PRKCSH: variants seen among roughly 807,000 people sequenced by gnomAD.
PRKCSH encodes PRKCSH beta subunit of glucosidase II.
Under a neutral mutation model 79.7 loss-of-function variants are expected in PRKCSH, and 42 were observed. The ratio of observed to expected loss-of-function variants is 0.53; its 90% CI spans 0.41 to 0.68. PRKCSH has a LOEUF of 0.68. Ranked by LOEUF, PRKCSH falls within the 30% of genes least tolerant of loss-of-function variation. The pLI, the probability that PRKCSH is intolerant of heterozygous loss-of-function variation, is 0.00. For missense variants in PRKCSH, 686 were observed against 709.0 expected, an observed-to-expected ratio of 0.97 and a Z score of 0.37; for synonymous variants, 325 against 288.2, an observed-to-expected ratio of 1.13 and a Z score of -1.29.
chr19:11,449,499 C>T lies in PRKCSH; in HGVS notation c.*16+71C>T, dbSNP rs371933907. On this transcript the variant is annotated intron_variant, in intron 17 of 17. Coordinates refer to ENST00000677123, the MANE Select transcript of PRKCSH (RefSeq NM_001289104.2). This position sits in a 1 kb window ranked among gnomAD's most constrained non-coding sequence, Gnocchi z 6.4. ...GGCGGCGGGCCCTGAGGAAGATGGACCCACATGGCCACTCTATCAACCTGT... is the reference window on the plus strand; with the variant it reads ...GGCGGCGGGCCCTGAGGAAGATGGATCCACATGGCCACTCTATCAACCTGT... 5 of 1,576,898 alleles carry T rather than the reference C, an allele frequency of 3.2e-6. No homozygotes were observed. In the African/African-American group the frequency reaches 5.4e-5, roughly 17 times the overall value.
intron 5 of PRKCSH, among the ~76,000 whole-genome samples, chr19:11,438,485 G>A (rs140248363): frequency 0.051 from 7,828 of 152,136 alleles, 303 homozygotes; most frequent in Admixed American, 0.12. Context: ...GGCCAGGCGC[G>A]GTGGCTCACA....
intron 1 of PRKCSH, 23 bp from the exon 2 acceptor site, chr19:11,436,018 C>A: frequency 6.6e-7 from 1 of 1,510,636 alleles, no homozygotes; most frequent in Admixed American, 1.7e-5. Flanking sequence ...TCCCACTGAC[C>A]GGGATCCGCT....
At chr19:11,438,199 ACT>A in intron 5 of PRKCSH, 75 bp downstream of exon 5, 3 of 1,501,002 alleles carry the variant, frequency 2.0e-6, no homozygotes, top group South Asian at 2.3e-5. Context: ...AATCGGGCCC[ACT>A]CTCTCTTCTG....
intron 7 of PRKCSH, among the ~76,000 whole-genome samples, 187 bp downstream of exon 7, chr19:11,442,702 TTAAA>T (rs950858798): frequency 2.0e-5 from 3 of 152,152 alleles, no homozygotes; most frequent in African/African-American, 7.2e-5. Context: ...TAAAAATTGT[TTAAA>T]TAATTTGTTT....
At chr19:11,443,219 C>T (rs1708470707) in intron 7 of PRKCSH, among the ~76,000 whole-genome samples, 1 of 151,228 alleles carries the variant, frequency 6.6e-6, no homozygotes, top group Non-Finnish European at 1.5e-5. Flanking sequence ...TCGAGACCAC[C>T]CTGGCCAACA....
intron 3 of PRKCSH, 55 bp downstream of exon 3, chr19:11,436,560 A>G: frequency 1.4e-6 from 2 of 1,387,934 alleles, no homozygotes; most frequent in Non-Finnish European, 2.0e-6. Context: ...GCTCAGTGCC[A>G]GGCCCTGTCT....
Position 11,448,265 on chromosome 19 carries a change from G to A in PRKCSH, c.1170G>A (p.Ser390=), listed in dbSNP as rs762253573. Residue 390 remains serine (S), a synonymous_variant, in exon 13 of 18, where the codon TCG becomes TCA. Transcript: ENST00000677123. The surrounding 1 kb of genome is among the most constrained non-coding windows in gnomAD (Gnocchi z 4.4). Reference sequence around the variant, plus strand: ...ACAAGTTCGAGGAGGCCGAGCGGTCGCTGAAGGACATGGAGGAGTCCATCA... The same window carrying A: ...ACAAGTTCGAGGAGGCCGAGCGGTCACTGAAGGACATGGAGGAGTCCATCA... ...ARNKFEEAER[S]LKDMEESIRN... 37 of 1,571,352 alleles carry A rather than the reference G, an allele frequency of 2.4e-5. No individual in the cohort carries two copies. Among genetic ancestry groups the A allele is most frequent in the Admixed American group, 2.1e-4 (11 of 53,428 alleles).
At chr19:11,437,631 G>A (rs960144349) in intron 3 of PRKCSH, among the ~76,000 whole-genome samples, 2 of 152,220 alleles carry the variant, frequency 1.3e-5, no homozygotes, top group Admixed American at 6.5e-5. Context: ...GGGATTACAG[G>A]TGTGAGCCCC....
rs141514451 is a variant in PRKCSH, at chr19:11,446,302, G to A, written c.714G>A (p.Pro238=). Residue 238 remains proline, a synonymous_variant, in exon 9 of 18, where the codon CCG becomes CCA. Transcript: ENST00000677123. ...TVSVTELQTH[P]ELDTDGDGAL... ...CGGTGACTGAGCTGCAGACTCACCC[G>A]GAGCTGGACACAGATGGGGATGGGG... 2.0e-5 allele frequency: 33 copies of A among 1,613,730 alleles called. No homozygotes were observed. Among genetic ancestry groups the A allele is most frequent in the Middle Eastern group, 1.6e-4 (1 of 6,080 alleles).
At chr19:11,446,240 C>A in intron 8 of PRKCSH, 32 bp from the exon 9 acceptor site, 2 of 1,608,656 alleles carry the variant, frequency 1.2e-6, no homozygotes, top group Non-Finnish European at 8.5e-7. Context: ...GGGGCCTCAC[C>A]CCTCCAGTCT....
intron 6 of PRKCSH, among the ~76,000 whole-genome samples, 155 bp from the exon 7 acceptor site, chr19:11,442,231 G>T (rs1008741861): frequency 8.5e-5 from 13 of 152,188 alleles, no homozygotes; most frequent in Non-Finnish European, 1.5e-5. Flanking sequence ...CTCTCCAGAG[G>T]GCTACAGGGA....
chr19:11,446,217 A>G (rs544152420), intron 8 of PRKCSH, 55 bp from the exon 9 acceptor site: 15 of 1,585,594 alleles, frequency 9.5e-6, no homozygotes, highest in Admixed American at 8.4e-5. Flanking sequence ...GGTGCCCCCA[A>G]CTGAGAGCCA....
Position 11,447,525 on chromosome 19 carries a change from AGAGGAGGAG to A in PRKCSH, c.960_968del (p.Glu323_Glu325del), listed in dbSNP as rs3217229. The stretch of plus-strand genomic sequence containing the variant: ...AGCCGCCAGTGCCCTCGTCGCCCAC[AGAGGAGGAG>A]GAGGAGGAGGAGGAGGAGGAGGAAG... On this transcript the variant is annotated inframe_deletion, in exon 11 of 18. Transcript: ENST00000677123. This position sits in a 1 kb window ranked among gnomAD's most constrained non-coding sequence, Gnocchi z 5.6. 4.8e-4 allele frequency: 754 copies of A among 1,578,224 alleles called. No individual in the cohort carries two copies. Among genetic ancestry groups the A allele is most frequent in the South Asian group, 1.4e-3 (123 of 88,564 alleles).
rs145515803 is a variant in PRKCSH at position 11,448,059 on chromosome 19, CG to C, written c.1127-159del. On this transcript the variant is annotated intron_variant, in intron 12 of 17. Transcript: ENST00000677123. This position sits in a 1 kb window ranked among gnomAD's most constrained non-coding sequence, Gnocchi z 4.4. ...GGAGCTGGGAGCCTGGGCAGCAAGT[CG>C]GGGCTGCTCTATAGCTGGTGAGGCC... is the stretch of plus-strand genomic sequence containing the variant. 1.7e-3 allele frequency: 1,378 copies of C among 823,752 alleles called. 22 individuals are homozygous for C. In the East Asian group the frequency reaches 0.034, roughly 20 times the overall value. The allele number at this position is 823,752 out of a possible 1,614,324, so 51.0% of individuals were successfully genotyped here. A position where few individuals can be genotyped will look rare whatever the true frequency, so the allele number is the denominator to read the frequency against.
At chr19:11,445,551 C>T in intron 8 of PRKCSH, 78 bp downstream of exon 8, 1 of 1,389,786 alleles carries the variant, frequency 7.2e-7, no homozygotes, top group Non-Finnish European at 1.0e-6. Flanking sequence ...CCTCTAGAAA[C>T]CAGCCAGATC....
In PRKCSH at chr19:11,449,897, T is replaced by A. The variant is rs1225436812; in HGVS notation, c.*16+469T>A. 2 of 208,324 alleles carry A rather than the reference T, an allele frequency of 9.6e-6. No individual in the cohort carries two copies. The highest frequency in any genetic ancestry group is 1.1e-4 in the Admixed American group (2 of 18,888). 12.9% of individuals were successfully genotyped at this position (208,324 alleles called of 1,614,324 possible). ...TTGTTGCCGAGGCTGGAATGTGGAA[T>A]GCAATGGCGCGATCTCGGCTCACTG... On this transcript the variant is annotated intron_variant, in intron 17 of 17. Transcript: ENST00000677123. This position sits in a 1 kb window ranked among gnomAD's most constrained non-coding sequence, Gnocchi z 6.4.
Position 11,448,148 on chromosome 19 carries a change from A to T in PRKCSH, c.1127-74A>T. 7.0e-7 allele frequency: 1 copy of T among 1,438,730 alleles called. No individual in the cohort carries two copies. Among genetic ancestry groups the T allele is most frequent in the Non-Finnish European group, 9.6e-7 (1 of 1,045,292 alleles). The allele number at this position is 1,438,730 out of a possible 1,614,324, so 89.1% of individuals were successfully genotyped here. ...AATGAGGGTATGGGAGCACACAGCC[A>T]CATCCATGGAACCCCGTTCCCCATC... is the stretch of plus-strand genomic sequence containing the variant. On this transcript the variant is annotated intron_variant, in intron 12 of 17. Coordinates refer to ENST00000677123, the MANE Select transcript of PRKCSH (RefSeq NM_001289104.2). The surrounding 1 kb of genome is among the most constrained non-coding windows in gnomAD (Gnocchi z 4.4).
Position 11,446,233 on chromosome 19 carries a change from G to T in PRKCSH, c.684-39G>T, listed in dbSNP as rs761031003. The T allele has an allele frequency of 2.5e-6, 4 of 1,605,810 alleles. No homozygotes were observed. In the South Asian group the frequency reaches 4.4e-5, roughly 18 times the overall value. The stretch of plus-strand genomic sequence containing the variant: ...GTGCCCCCAACTGAGAGCCACTGGG[G>T]CCTCACCCCTCCAGTCTGCTTCTGC... On this transcript the variant is annotated intron_variant, in intron 8 of 17. Transcript: ENST00000677123.
At chr19:11,438,353 C>T (rs1969881969) in intron 5 of PRKCSH, among the ~76,000 whole-genome samples, 1 of 152,146 alleles carries the variant, frequency 6.6e-6, no homozygotes, top group African/African-American at 2.4e-5. Context: ...AAATGACTTC[C>T]CCAGGGTCAC....
Sources: gnomAD v4.1 joint callset for allele counts (sites outside exome capture counted in the v4.1 genomes callset) on GRCh38, gnomAD v4.1.1 for gene constraint, Gnocchi (gnomAD v3.1) non-coding constraint, MANE v1.5 for transcripts, NCBI Gene and HGNC (gene_info 2026-07-23, HGNC 2026-07-21) for gene names.